ERBB4: variants seen among roughly 807,000 people sequenced by gnomAD.
ERBB4 encodes erb-b2 receptor tyrosine kinase 4.
Under a neutral mutation model 158.0 loss-of-function variants are expected in ERBB4, and 42 were observed. That is an observed-to-expected ratio of 0.27 (90% CI 0.21 to 0.34). The LOEUF (loss-of-function observed/expected upper bound fraction) is 0.34, where lower values mean the gene tolerates loss of function less well. ERBB4 is among the 10% of genes least tolerant of loss of function. The pLI is 1.00. For missense variants in ERBB4, 1,333 were observed against 1,624.1 expected, an observed-to-expected ratio of 0.82 and a Z score of 3.08; for synonymous variants, 583 against 558.7, an observed-to-expected ratio of 1.04 and a Z score of -0.61.
chr2:211,613,751 A>T (rs950532953), intron 19 of ERBB4, among the ~76,000 whole-genome samples: 1 of 151,988 alleles, frequency 6.6e-6, no homozygotes, highest in Admixed American at 6.6e-5. Context: ...TAATACTTAC[A>T]TCCAAGACAG....
chr2:211,395,497 GAAAC>G (rs1294052692), intron 25 of ERBB4, among the ~76,000 whole-genome samples: 2 of 152,006 alleles, frequency 1.3e-5, no homozygotes, highest in African/African-American at 4.8e-5. Context: ...ATGTTTTTCA[GAAAC>G]AAACCTATTT....
chr2:211,792,029 A>T (rs2076289124), intron 3 of ERBB4, among the ~76,000 whole-genome samples: 1 of 151,754 alleles, frequency 6.6e-6, no homozygotes, highest in East Asian at 1.9e-4. Context: ...TCAGTGCTGT[A>T]TCTATAGCAT....
intron 20 of ERBB4, among the ~76,000 whole-genome samples, chr2:211,467,172 G>A (rs6713894): frequency 0.83 from 125,572 of 152,042 alleles, 52,195 homozygotes; most frequent in African/African-American, 0.92. Context: ...TGATAGTAAC[G>A]TACCTTTTCC....
At chr2:211,931,337 A>G (rs1199819497) in intron 3 of ERBB4, among the ~76,000 whole-genome samples, 1 of 152,104 alleles carries the variant, frequency 6.6e-6, no homozygotes, top group Non-Finnish European at 1.5e-5. Context: ...TGTTATCTCT[A>G]TGCCAGAAAA....
rs561490738 is a variant in ERBB4 at position 212,009,551 on chromosome 2, G to A, written c.235-61935C>T. On this transcript the variant is annotated intron_variant, in intron 2 of 27. Coordinates refer to ENST00000342788, the MANE Select transcript of ERBB4 (RefSeq NM_005235.3). ...TTTTAACACATCAAGTTTGTTGTATGTTGTTACAGTGGCCACAGGAAGCTA... is the reference window on the plus strand; with the variant it reads ...TTTTAACACATCAAGTTTGTTGTATATTGTTACAGTGGCCACAGGAAGCTA... Among the ~76,000 whole-genome samples, 8 of 152,218 alleles carry A rather than the reference G, an allele frequency of 5.3e-5. No homozygotes were observed. In the South Asian group the frequency reaches 8.3e-4, roughly 16 times the overall value.
chr2:212,132,300 G>A (rs2080129460), intron 1 of ERBB4, among the ~76,000 whole-genome samples: 1 of 152,112 alleles, frequency 6.6e-6, no homozygotes, highest in Non-Finnish European at 1.5e-5. Flanking sequence ...TGGGTGCTAT[G>A]CTGACAAGGG....
intron 3 of ERBB4, among the ~76,000 whole-genome samples, chr2:211,944,633 A>C (rs2080626462): frequency 1.3e-5 from 2 of 152,116 alleles, no homozygotes; most frequent in African/African-American, 4.8e-5. Context: ...AATTATTTGC[A>C]GCAAATAAGT....
chr2:212,295,808 T>G (rs2086389640), intron 1 of ERBB4, among the ~76,000 whole-genome samples: 1 of 152,036 alleles, frequency 6.6e-6, no homozygotes, highest in Non-Finnish European at 1.5e-5. Flanking sequence ...GGACAATCTT[T>G]GATTCTTTGA....
At chr2:212,466,941 G>A (rs1339303188) in intron 1 of ERBB4, among the ~76,000 whole-genome samples, 2 of 152,160 alleles carry the variant, frequency 1.3e-5, no homozygotes, top group Non-Finnish European at 2.9e-5. Context: ...AGATGGAGAT[G>A]AACTTGTTCA....
chr2:211,959,343 A>G (rs1027791272), intron 2 of ERBB4, among the ~76,000 whole-genome samples: 12 of 152,270 alleles, frequency 7.9e-5, no homozygotes, highest in Admixed American at 1.3e-4. Flanking sequence ...TTGCCAAGAA[A>G]GATTTACAAT....
intron 1 of ERBB4, among the ~76,000 whole-genome samples, chr2:212,510,631 A>G (rs889614312): frequency 1.3e-5 from 2 of 152,060 alleles, no homozygotes; most frequent in African/African-American, 4.8e-5. Flanking sequence ...CTAATAGGAG[A>G]TCACATAATT....
chr2:211,877,793 A>T (rs1307607729), intron 3 of ERBB4, among the ~76,000 whole-genome samples: 1 of 152,184 alleles, frequency 6.6e-6, no homozygotes, highest in African/African-American at 2.4e-5. Context: ...ATGTCTTCAA[A>T]TTTACTAAAT....
At chr2:211,482,900 T>C (rs2065120603) in intron 20 of ERBB4, among the ~76,000 whole-genome samples, 1 of 151,770 alleles carries the variant, frequency 6.6e-6, no homozygotes, top group African/African-American at 2.4e-5. Context: ...AGTGAAACTG[T>C]CTCAAAAAAT....
intron 12 of ERBB4, among the ~76,000 whole-genome samples, chr2:211,699,220 A>T (rs1247047707): frequency 2.6e-5 from 4 of 152,208 alleles, no homozygotes; most frequent in African/African-American, 9.7e-5. Context: ...CTAGGTGTGT[A>T]TATATGCATG....
intron 2 of ERBB4, among the ~76,000 whole-genome samples, chr2:212,120,525 A>G (rs977850259): frequency 3.9e-5 from 6 of 152,240 alleles, no homozygotes; most frequent in African/African-American, 1.4e-4. Context: ...AATGTTGAAT[A>G]TGCAGATAGT....
At chr2:211,408,577 G>C (rs550205486) in intron 25 of ERBB4, among the ~76,000 whole-genome samples, 1 of 152,154 alleles carries the variant, frequency 6.6e-6, no homozygotes, top group Non-Finnish European at 1.5e-5. Context: ...TCTAAGACAC[G>C]CATTGTCTTA....
intron 1 of ERBB4, among the ~76,000 whole-genome samples, chr2:212,204,187 C>T (rs1295471398): frequency 1.3e-5 from 2 of 152,150 alleles, no homozygotes; most frequent in Non-Finnish European, 2.9e-5. Context: ...ATTTTGCCCT[C>T]TACTTACTAA....
At chr2:212,404,849 G>A (rs142529387) in intron 1 of ERBB4, among the ~76,000 whole-genome samples, 33 of 151,988 alleles carry the variant, frequency 2.2e-4, no homozygotes, top group Non-Finnish European at 3.8e-4. Flanking sequence ...CCCCTTCTTT[G>A]TGCTCACGAG....
At chr2:212,061,899 C>T (rs575128489) in intron 2 of ERBB4, among the ~76,000 whole-genome samples, 1 of 152,014 alleles carries the variant, frequency 6.6e-6, no homozygotes, top group South Asian at 2.1e-4. Flanking sequence ...CCACACATGG[C>T]TAATTTTGTA....
Sources: allele counts gnomAD v4.1 joint callset (sites outside exome capture counted in the v4.1 genomes callset), GRCh38; gene constraint gnomAD v4.1.1; transcripts MANE v1.5; gene names NCBI Gene and HGNC (gene_info 2026-07-23, HGNC 2026-07-21).